RASAL3: variants seen among roughly 807,000 people sequenced by gnomAD.
RASAL3 encodes RAS protein activator like-3.
A neutral mutation model predicts 105.5 loss-of-function variants in RASAL3; 74 were observed. The ratio of observed to expected loss-of-function variants is 0.70; its 90% CI spans 0.58 to 0.85. The LOEUF is 0.85. RASAL3 is among the 40% of genes least tolerant of loss of function. RASAL3 has a pLI of 0.00. For missense variants in RASAL3, 1,352 were observed against 1,392.0 expected (o/e 0.97, Z 0.46); for synonymous variants, 579 against 591.6 (o/e 0.98, Z 0.31).
chr19:15,454,275 G>C lies in RASAL3; in HGVS notation c.2161-8C>G. The C allele has an allele frequency of 6.4e-7, 1 of 1,564,458 alleles. No individual in the cohort carries two copies. On this transcript the variant is annotated splice_polypyrimidine_tract_variant and splice_region_variant and intron_variant, in intron 13 of 17. Coordinates refer to ENST00000343625, the MANE Select transcript of RASAL3 (RefSeq NM_022904.3). ...CAGGGTGTCTCGGGTTGTCTGGTGA[G>C]GCATGCAGGACAGAGACTGAGCAAA...
chr19:15,453,090 C>G lies in RASAL3; in HGVS notation c.2670+17G>C, dbSNP rs559054960. On this transcript the variant is annotated intron_variant, in intron 15 of 17. Coordinates refer to ENST00000343625, the MANE Select transcript of RASAL3 (RefSeq NM_022904.3). This position sits in a 1 kb window ranked among gnomAD's most constrained non-coding sequence, Gnocchi z 4.2. ...CCTGTTCCCACTCCCCAGGCGCGGA[C>G]CTGGGCCTGACCTTACCTTGTTCAC... The G allele has an allele frequency of 6.2e-7, 1 of 1,613,026 alleles. No individual in the cohort carries two copies. Among genetic ancestry groups the G allele is most frequent in the South Asian group, 1.1e-5 (1 of 90,974 alleles).
chr19:15,457,208 C>G lies in RASAL3; in HGVS notation c.1431+84G>C. ...TGTCTCCCCCATTACAGGTGCAACTCAGGTCCTGCGCCCCAACTCCTGCCC... is the reference window on the plus strand; with the variant it reads ...TGTCTCCCCCATTACAGGTGCAACTGAGGTCCTGCGCCCCAACTCCTGCCC... On this transcript the variant is annotated intron_variant, in intron 9 of 17. Coordinates refer to ENST00000343625, the MANE Select transcript of RASAL3 (RefSeq NM_022904.3). The surrounding 1 kb of genome is among the most constrained non-coding windows in gnomAD (Gnocchi z 8.6). The G allele has an allele frequency of 2.7e-6, 3 of 1,129,674 alleles. No homozygotes were observed. Among genetic ancestry groups the G allele is most frequent in the Non-Finnish European group, 3.4e-6 (3 of 891,306 alleles). 70.0% of individuals were successfully genotyped at this position (1,129,674 alleles called of 1,614,324 possible).
Position 15,461,564 on chromosome 19 carries a change from G to A in RASAL3, c.372C>T (p.Ile124=), listed in dbSNP as rs778640853. The part of the protein sequence containing the change: ...EPELEPPTPQ[I]PEAPTPNVPV... Reference sequence around the variant, plus strand: ...GCACGTTGGGTGTGGGGGCCTCAGGGATCTGTGGGGTAGGGGGCTCCAGCT... The same window carrying A: ...GCACGTTGGGTGTGGGGGCCTCAGGAATCTGTGGGGTAGGGGGCTCCAGCT... The change falls in exon 3 of 18, where the codon ATC becomes ATT. Residue 124 remains isoleucine (I), a synonymous_variant. Transcript: ENST00000343625. 56 of 1,535,474 alleles carry A rather than the reference G, an allele frequency of 3.6e-5. No homozygotes were observed. The highest frequency in any genetic ancestry group is 4.8e-5 in the Non-Finnish European group (55 of 1,146,528).
chr19:15,460,833 T>C (rs143747956), intron 5 of RASAL3, among the ~76,000 whole-genome samples: 2,877 of 152,302 alleles, frequency 0.019, 38 homozygotes, highest in African/African-American at 0.023. Context: ...TAGCTTGGAC[T>C]ATAGCTGCGC....
intron 2 of RASAL3, among the ~76,000 whole-genome samples, chr19:15,462,037 T>G (rs1317558313): frequency 1.3e-5 from 2 of 152,080 alleles, no homozygotes; most frequent in East Asian, 3.8e-4. Flanking sequence ...ACCAAGACAT[T>G]ATGTGGGTCC....
At chr19:15,459,881 C>T (rs1216827171) in intron 6 of RASAL3, among the ~76,000 whole-genome samples, 1 of 152,116 alleles carries the variant, frequency 6.6e-6, no homozygotes, top group Non-Finnish European at 1.5e-5. Flanking sequence ...ACTTGTTGTT[C>T]CTTCTGCCTG....
At position 15,453,226 on chromosome 19, in the gene RASAL3, G is replaced by C; in HGVS notation, c.2551C>G (p.Arg851Gly). 1 of 1,599,392 alleles carries C rather than the reference G, an allele frequency of 6.3e-7. No individual in the cohort carries two copies. The highest frequency in any genetic ancestry group is 2.3e-5 in the East Asian group (1 of 44,160). The change falls in exon 15 of 18, where the codon CGG (arginine) becomes GGG (glycine). Residue 851 changes from arginine to glycine, a missense_variant. Physicochemically the swap from Arg to Gly is moderately radical, Grantham distance 125. Around this residue, in one of 3 missense-constraint regions of RASAL3, gnomAD observed 920 missense variants for 919.6 expected, o/e 1.00. Coordinates refer to ENST00000343625, the MANE Select transcript of RASAL3 (RefSeq NM_022904.3). This position sits in a 1 kb window ranked among gnomAD's most constrained non-coding sequence, Gnocchi z 4.2. ...SLSMGPAPRA[R>G]PWTRDSASLP... The stretch of plus-strand genomic sequence containing the variant: ...GAGGCGGAGTCCCGGGTCCAAGGCC[G>C]GGCGCGGGGCGCTGGTCCCATGCTC...
Position 15,451,932 on chromosome 19 carries a change from G to A in RASAL3, c.2899C>T (p.Arg967Cys). 1 of 1,609,944 alleles carries A rather than the reference G, an allele frequency of 6.2e-7. No individual in the cohort carries two copies. Among genetic ancestry groups the A allele is most frequent in the South Asian group, 1.1e-5 (1 of 90,988 alleles). ...TGAGTTCTCTCCATCTCATTTAGGC[G>A]GTGCTCCTGGGGAGGCAGTGGTGAT... Reference protein sequence around the residue: ...EGHSLKNLEHRLNEMERTQAQ... With the variant: ...EGHSLKNLEHCLNEMERTQAQ... Residue 967 changes from arginine (R) to cysteine (C), a missense_variant, in exon 18 of 18, where the codon CGC becomes TGC. By Grantham distance (180) the Arg-to-Cys change is radical (BLOSUM62 -3). Coordinates refer to ENST00000343625, the MANE Select transcript of RASAL3 (RefSeq NM_022904.3).
rs1395938215 is a variant in RASAL3 at position 15,460,252 on chromosome 19, G to C, written c.613C>G (p.Leu205Val). Residue 205 changes from leucine (L) to valine (V), a missense_variant, in exon 6 of 18, where the codon CTC becomes GTC. This residue lies in a region of RASAL3 where 344 missense variants were observed against 339.6 expected (regional missense o/e 1.01). Transcript: ENST00000343625. ...TTTTTCTTCTCTTTCAGCCTCTTGA[G>C]CAACCCCTGTGGGGAAGGGAATGTC... ...PNQVHNVRGL[L>V]KRLKEKKKAR... is the part of the protein sequence containing the mutation. The C allele has an allele frequency of 6.2e-7, 1 of 1,607,846 alleles. No homozygotes were observed. Among genetic ancestry groups the C allele is most frequent in the East Asian group, 2.2e-5 (1 of 44,798 alleles).
At chr19:15,452,603 T>A in intron 16 of RASAL3, 55 bp downstream of exon 16, 19 of 1,231,478 alleles carry the variant, frequency 1.5e-5, no homozygotes, top group Non-Finnish European at 1.9e-5. Flanking sequence ...CCTGGTCAGA[T>A]CTAATTGGAT....
At position 15,456,666 on chromosome 19, in the gene RASAL3, A is replaced by G. The variant is rs1173946586; in HGVS notation, c.1432-20T>C. The G allele has an allele frequency of 6.2e-7, 1 of 1,607,068 alleles. No individual in the cohort carries two copies. Among genetic ancestry groups the G allele is most frequent in the Non-Finnish European group, 8.5e-7 (1 of 1,178,228 alleles). ...CAGCGCCTAGGAAGGGCAGGAGGTC[A>G]GGTTGCACCAGATGCAGACAGAGTC... On this transcript the variant is annotated intron_variant, in intron 9 of 17. Transcript: ENST00000343625. The surrounding 1 kb of genome is among the most constrained non-coding windows in gnomAD (Gnocchi z 4.4).
chr19:15,460,947 C>T, intron 5 of RASAL3, 113 bp downstream of exon 5: 1 of 940,096 alleles, frequency 1.1e-6, no homozygotes, highest in South Asian at 1.4e-5. Context: ...CTCTGAGGCC[C>T]AAAGAGGGTC....
Position 15,457,416 on chromosome 19 carries a change from GC to G in RASAL3, c.1306del (p.Ala436ArgfsTer45). ...CGCATAGTGGAAGGTGAGGAACTCC[GC>G]CAGCTCCTTGTAGCGCTCGGACGGC... is the stretch of plus-strand genomic sequence containing the variant. ...VLPSERYKEL[A>X]EFLTFHYARL... is the part of the protein sequence containing the mutation. On this transcript the variant is annotated frameshift_variant, in exon 9 of 18. Transcript: ENST00000343625. LOFTEE classifies it high-confidence loss of function. This position sits in a 1 kb window ranked among gnomAD's most constrained non-coding sequence, Gnocchi z 8.6. 1 of 1,447,692 alleles carries G rather than the reference GC, an allele frequency of 6.9e-7. No homozygotes were observed. The highest frequency in any genetic ancestry group is 9.1e-7 in the Non-Finnish European group (1 of 1,103,852). The allele number at this position is 1,447,692 out of a possible 1,614,324, so 89.7% of individuals were successfully genotyped here.
At chr19:15,452,007 C>G (rs748794467) in intron 17 of RASAL3, 38 bp downstream of exon 17, 9 of 1,613,854 alleles carry the variant, frequency 5.6e-6, no homozygotes, top group Non-Finnish European at 6.8e-6. Flanking sequence ...GCTCCTCCAC[C>G]GCCCAGACCT....
chr19:15,460,572 G>A (rs1235678776), intron 5 of RASAL3, among the ~76,000 whole-genome samples: 1 of 152,020 alleles, frequency 6.6e-6, no homozygotes, highest in Non-Finnish European at 1.5e-5. Flanking sequence ...TGTAGAATTG[G>A]GGACTTGCTA....
chr19:15,464,366 G>GT lies in RASAL3; in HGVS notation c.-9_-8insA. On this transcript the variant is annotated 5_prime_UTR_variant, in exon 2 of 18. Coordinates refer to ENST00000343625, the MANE Select transcript of RASAL3 (RefSeq NM_022904.3). Reference sequence around the variant, plus strand: ...TGGCGACGGTGGGTCCATGGTTGGGGGGGGGGGTCTCCTGGGGGACGAGAG... The same window carrying GT: ...TGGCGACGGTGGGTCCATGGTTGGGGTGGGGGGGTCTCCTGGGGGACGAGAG... The GT allele has an allele frequency of 6.3e-7, 1 of 1,577,552 alleles. No individual in the cohort carries two copies. Among genetic ancestry groups the GT allele is most frequent in the Non-Finnish European group, 8.6e-7 (1 of 1,156,356 alleles).
Position 15,457,542 on chromosome 19 carries a change from CGTGG to C in RASAL3, c.1177_1180del (p.Pro393AlafsTer87). ...GCGCTCCAGACCGGCGGCAGGCGCG[CGTGG>C]GGCGTCCAGCTCCTCCAGCGCCAGG... is the stretch of plus-strand genomic sequence containing the variant. On this transcript the variant is annotated frameshift_variant, in exon 9 of 18. Transcript: ENST00000343625. LOFTEE classifies it high-confidence loss of function. This position sits in a 1 kb window ranked among gnomAD's most constrained non-coding sequence, Gnocchi z 8.6. 1 of 1,142,536 alleles carries C rather than the reference CGTGG, an allele frequency of 8.8e-7. No individual in the cohort carries two copies. Among genetic ancestry groups the C allele is most frequent in the Non-Finnish European group, 1.1e-6 (1 of 927,768 alleles). 70.8% of individuals were successfully genotyped at this position (1,142,536 alleles called of 1,614,324 possible).
Position 15,457,026 on chromosome 19 carries a change from C to T in RASAL3, c.1431+266G>A. ...CCGCCCCTTACAGGTGCAGCTCAGCCCCAGCCCCTCACAGCTGACGCTCAG... is the reference window on the plus strand; with the variant it reads ...CCGCCCCTTACAGGTGCAGCTCAGCTCCAGCCCCTCACAGCTGACGCTCAG... On this transcript the variant is annotated intron_variant, in intron 9 of 17. Coordinates refer to ENST00000343625, the MANE Select transcript of RASAL3 (RefSeq NM_022904.3). The surrounding 1 kb of genome is among the most constrained non-coding windows in gnomAD (Gnocchi z 8.6). 1 of 427,064 alleles carries T rather than the reference C, an allele frequency of 2.3e-6. No homozygotes were observed. The allele number at this position is 427,064 out of a possible 1,614,324, so 26.5% of individuals were successfully genotyped here.
In RASAL3 at chr19:15,454,078, C is replaced by T. The variant is rs987553533; in HGVS notation, c.2279+71G>A. On this transcript the variant is annotated intron_variant, in intron 14 of 17. Coordinates refer to ENST00000343625, the MANE Select transcript of RASAL3 (RefSeq NM_022904.3). ...TCTGCTCACAATGATCCAACTTCAC[C>T]TCTGACCCCTGTCTGAGCCCTGCTC... The T allele has an allele frequency of 3.5e-6, 4 of 1,130,422 alleles. No individual in the cohort carries two copies. In the Admixed American group the frequency reaches 9.1e-5, roughly 26 times the overall value. 70.0% of individuals were successfully genotyped at this position (1,130,422 alleles called of 1,614,324 possible).
Sources: gnomAD v4.1 joint callset for allele counts (sites outside exome capture counted in the v4.1 genomes callset) on GRCh38, gnomAD v4.1.1 for gene constraint, gnomAD v4.1.1 regional missense constraint, Gnocchi (gnomAD v3.1) non-coding constraint, MANE v1.5 for transcripts, NCBI Gene and HGNC (gene_info 2026-07-23, HGNC 2026-07-21) for gene names.